The following NARS2 variants were observed in gnomAD, a reference collection of about 807,000 sequenced individuals.
The protein encoded by NARS2 is asparaginyl-tRNA synthetase.
Under a neutral mutation model 62.9 loss-of-function variants are expected in NARS2, and 60 were observed. The ratio of observed to expected loss-of-function variants is 0.95; its 90% confidence interval spans 0.77 to 1.18. NARS2 has a LOEUF of 1.18. NARS2 is among the 50% of genes most tolerant of loss of function. The pLI is 0.00. For synonymous variants in NARS2, 196 were observed against 200.0 expected, an observed-to-expected ratio of 0.98 and a Z score of 0.17; for missense variants, 619 against 576.4, an observed-to-expected ratio of 1.07 and a Z score of -0.76.
chr11:78,441,865 G>C (rs1172727683), intron 12 of NARS2, among the ~76,000 whole-genome samples: 1 of 152,166 alleles, frequency 6.6e-6, no homozygotes, highest in African/African-American at 2.4e-5. Flanking sequence ...GTTGCACATT[G>C]ATTCTTGTTT....
intron 6 of NARS2, among the ~76,000 whole-genome samples, chr11:78,495,545 T>A (rs1860022058): frequency 3.9e-5 from 6 of 152,204 alleles, no homozygotes. Flanking sequence ...ACAGGAATCA[T>A]GTTTTATTCA....
At chr11:78,501,708 G>C (rs1181035792) in intron 6 of NARS2, among the ~76,000 whole-genome samples, 1 of 152,190 alleles carries the variant, frequency 6.6e-6, no homozygotes, top group Non-Finnish European at 1.5e-5. Flanking sequence ...AACAATGTTG[G>C]CAAGGATATA....
intron 6 of NARS2, among the ~76,000 whole-genome samples, chr11:78,497,465 T>C (rs1007862728): frequency 2.0e-5 from 3 of 152,118 alleles, no homozygotes; most frequent in Admixed American, 1.3e-4. Context: ...ATAAGACTGA[T>C]CAGCAACTTT....
At chr11:78,567,916 T>C (rs938440922) in intron 3 of NARS2, among the ~76,000 whole-genome samples, 2 of 152,212 alleles carry the variant, frequency 1.3e-5, no homozygotes, top group African/African-American at 4.8e-5. Flanking sequence ...AATCACTTCA[T>C]CTGGCTGGGC....
chr11:78,571,557 A>T (rs1343139993), intron 1 of NARS2, 113 bp from the exon 2 acceptor site: 3 of 667,474 alleles, frequency 4.5e-6, no homozygotes, highest in Non-Finnish European at 5.2e-6. Flanking sequence ...TGCCTCAACA[A>T]ATCAACTTCT....
At chr11:78,444,732 A>C (rs12420037) in intron 11 of NARS2, among the ~76,000 whole-genome samples, 12,935 of 145,694 alleles carry the variant, frequency 0.089, 1,030 homozygotes, top group African/African-American at 0.21. Context: ...CAAAACAAAA[A>C]AAAAAAAAAG....
chr11:78,493,179 A>G lies in NARS2; in HGVS notation c.706T>C (p.Phe236Leu). 4 of 1,613,350 alleles carry G rather than the reference A, an allele frequency of 2.5e-6. No homozygotes were observed. Among genetic ancestry groups the G allele is most frequent in the Non-Finnish European group, 3.4e-6 (4 of 1,179,816 alleles). The change falls in exon 7 of 14, where the codon TTT becomes CTT. Residue 236 changes from phenylalanine to leucine, a missense_variant. Transcript: ENST00000281038. ...EVMSGAFTQV[F>L]TFGPTFRAEN... The stretch of plus-strand genomic sequence containing the variant: ...GCTCGGAAGGTCGGACCAAAGGTAA[A>G]CACTTGAGTAAAAGCTCTGCAATTC...
intron 9 of NARS2, among the ~76,000 whole-genome samples, chr11:78,477,518 G>A (rs1172440008): frequency 1.3e-5 from 2 of 151,992 alleles, no homozygotes; most frequent in African/African-American, 4.8e-5. Flanking sequence ...AAATATATTC[G>A]GAATAGGAGA....
chr11:78,469,377 T>A, intron 9 of NARS2, 64 bp from the exon 10 acceptor site: 1 of 1,252,786 alleles, frequency 8.0e-7, no homozygotes, highest in Admixed American at 1.7e-5. Context: ...CTAGTTCATT[T>A]TAAAACCAGA....
intron 9 of NARS2, among the ~76,000 whole-genome samples, chr11:78,470,285 T>C (rs927323241): frequency 3.3e-5 from 5 of 152,162 alleles, no homozygotes; most frequent in Non-Finnish European, 7.3e-5. Flanking sequence ...AATTTAACTA[T>C]GTGAATAGGT....
chr11:78,538,108 T>C (rs1415036456), intron 5 of NARS2, among the ~76,000 whole-genome samples: 1 of 152,200 alleles, frequency 6.6e-6, no homozygotes, highest in African/African-American at 2.4e-5. Context: ...ATGCTCTATA[T>C]GCTACCAATC....
chr11:78,459,234 G>T (rs1377578631), intron 11 of NARS2, among the ~76,000 whole-genome samples: 1 of 148,860 alleles, frequency 6.7e-6, no homozygotes, highest in Non-Finnish European at 1.5e-5. Flanking sequence ...TCTGATGGTG[G>T]TTTTTTTTGT....
At chr11:78,527,265 T>C (rs2135424193) in intron 6 of NARS2, among the ~76,000 whole-genome samples, 1 of 152,312 alleles carries the variant, frequency 6.6e-6, no homozygotes, top group East Asian at 1.9e-4. Context: ...TTGTTTCCTC[T>C]GTAATATAAT....
intron 6 of NARS2, among the ~76,000 whole-genome samples, chr11:78,509,802 G>A (rs1860646338): frequency 6.7e-6 from 1 of 149,354 alleles, no homozygotes; most frequent in Non-Finnish European, 1.5e-5. Context: ...ACTCCAGCCT[G>A]GGTGATGGAG....
At chr11:78,437,498 T>C (rs1235810948) in intron 13 of NARS2, among the ~76,000 whole-genome samples, 4 of 152,096 alleles carry the variant, frequency 2.6e-5, no homozygotes, top group Non-Finnish European at 5.9e-5. Flanking sequence ...CTGAAACCCA[T>C]CCACGCACAT....
chr11:78,442,069 A>G (rs1045277565), intron 12 of NARS2, among the ~76,000 whole-genome samples: 2 of 152,218 alleles, frequency 1.3e-5, no homozygotes, highest in African/African-American at 4.8e-5. Flanking sequence ...TATCCACTTC[A>G]TTACGAAAGA....
chr11:78,475,986 G>A (rs1859077360), intron 9 of NARS2, among the ~76,000 whole-genome samples: 1 of 152,050 alleles, frequency 6.6e-6, no homozygotes, highest in Admixed American at 6.6e-5. Flanking sequence ...TAGTGATGTT[G>A]GACACTTTTT....
chr11:78,547,108 A>C (rs894841535), intron 5 of NARS2, among the ~76,000 whole-genome samples: 1 of 152,088 alleles, frequency 6.6e-6, no homozygotes, highest in Non-Finnish European at 1.5e-5. Context: ...TGGGGGGAGG[A>C]CTGCTTGAGC....
At chr11:78,534,176 A>G (rs1475499861) in intron 5 of NARS2, among the ~76,000 whole-genome samples, 1 of 152,194 alleles carries the variant, frequency 6.6e-6, no homozygotes, top group Admixed American at 6.5e-5. Flanking sequence ...AATACCAAGG[A>G]GCAGAACTGC....
Sources: allele counts gnomAD v4.1 joint callset (sites outside exome capture counted in the v4.1 genomes callset), GRCh38; gene constraint gnomAD v4.1.1; transcripts MANE v1.5; gene names NCBI Gene and HGNC (gene_info 2026-07-23, HGNC 2026-07-21).